The following ABCA13 variants were observed in gnomAD, a reference collection of about 807,000 sequenced individuals.
The protein encoded by ABCA13 is ATP-binding cassette sub-family A member 13.
In ABCA13, 476 loss-of-function variants were observed where a neutral mutation model predicts 478.7. The observed-to-expected ratio is 0.99, with a 90% CI of 0.92 to 1.07. ABCA13 has a LOEUF of 1.07. Ranked by LOEUF, ABCA13 falls within the 50% of genes least tolerant of loss-of-function variation. ABCA13 has a pLI of 0.00. For missense variants in ABCA13, 6,060 were observed against 5,910.6 expected, an observed-to-expected ratio of 1.03 and a Z score of -0.83; for synonymous variants, 2,252 against 2,158.9, an observed-to-expected ratio of 1.04 and a Z score of -1.20.
intron 45 of ABCA13, among the ~76,000 whole-genome samples, chr7:48,477,958 AT>A (rs1433253660): frequency 6.6e-6 from 1 of 151,660 alleles, no homozygotes; most frequent in Non-Finnish European, 1.5e-5. Flanking sequence ...AATAATTGGA[AT>A]TTTTTTTAGC....
At chr7:48,491,540 A>G (rs1253730624) in intron 48 of ABCA13, among the ~76,000 whole-genome samples, 1 of 152,198 alleles carries the variant, frequency 6.6e-6, no homozygotes, top group African/African-American at 2.4e-5. Context: ...TGTTTCAGAA[A>G]TGGAAAATTA....
intron 3 of ABCA13, among the ~76,000 whole-genome samples, chr7:48,218,120 G>A (rs550123686): frequency 1.3e-5 from 2 of 152,210 alleles, no homozygotes; most frequent in African/African-American, 4.8e-5. Context: ...ACAAATTGAG[G>A]TACTTTTGAG....
At chr7:48,532,611 A>T in intron 55 of ABCA13, among the ~76,000 whole-genome samples, 1 of 152,058 alleles carries the variant, frequency 6.6e-6, no homozygotes, top group Non-Finnish European at 1.5e-5. Context: ...GATAGAATTC[A>T]GCTGTAAATT....
chr7:48,455,314 G>T (rs747797388), intron 43 of ABCA13, 28 bp downstream of exon 43: 2 of 1,576,372 alleles, frequency 1.3e-6, no homozygotes, highest in Admixed American at 1.8e-5. Flanking sequence ...CTTTGATTTC[G>T]AAATTATGTC....
chr7:48,323,103 G>A (rs538915450), intron 27 of ABCA13, among the ~76,000 whole-genome samples: 61 of 152,274 alleles, frequency 4.0e-4, no homozygotes, highest in African/African-American at 1.4e-3. Flanking sequence ...ACTAAAGGGC[G>A]TGTGGGTTTT....
chr7:48,279,394 T>C lies in ABCA13; in HGVS notation c.8200T>C (p.Phe2734Leu), dbSNP rs747948068. ...LSQNSTEIGS[F>L]LKMVICLTLE... is the part of the protein sequence containing the mutation. ...ACAAAACAGCACAGAAATAGGATCT[T>C]TCTTGAAAATGGTGATCTGTCTCAC... Residue 2734 changes from phenylalanine (F) to leucine (L), a missense_variant, in exon 18 of 62, where the codon TTC becomes CTC. Physicochemically the swap from Phe to Leu is conservative, Grantham distance 22. Transcript: ENST00000435803. 2 of 1,598,878 alleles carry C rather than the reference T, an allele frequency of 1.3e-6. No individual in the cohort carries two copies. The highest frequency in any genetic ancestry group is 1.7e-6 in the Non-Finnish European group (2 of 1,171,288).
chr7:48,248,153 A>T, intron 13 of ABCA13, 86 bp from the exon 14 acceptor site: 1 of 1,105,448 alleles, frequency 9.0e-7, no homozygotes, highest in Non-Finnish European at 1.3e-6. Flanking sequence ...CCCCTTGTTT[A>T]GTGATACAGG....
chr7:48,312,875 G>C (rs1174176598), intron 24 of ABCA13, among the ~76,000 whole-genome samples, 192 bp from the exon 25 acceptor site: 1 of 152,196 alleles, frequency 6.6e-6, no homozygotes, highest in Admixed American at 6.5e-5. Flanking sequence ...GTGCAATTCA[G>C]TGTGCTCCAA....
chr7:48,468,252 A>G (rs1827104558), intron 44 of ABCA13, among the ~76,000 whole-genome samples: 1 of 152,222 alleles, frequency 6.6e-6, no homozygotes, highest in African/African-American at 2.4e-5. Flanking sequence ...AGTTCCTTTT[A>G]CATGGGTTGC....
rs577206712 is a variant in ABCA13, at chr7:48,321,471, G to A, written c.9999+4175G>A. On this transcript the variant is annotated intron_variant, in intron 27 of 61. Coordinates refer to ENST00000435803, the MANE Select transcript of ABCA13 (RefSeq NM_152701.5). Reference sequence around the variant, plus strand: ...GGATGATGGAGGAGCTGCAAGCTGAGGGCCTTGGCCCTACCCATGTGTCTT... The same window carrying A: ...GGATGATGGAGGAGCTGCAAGCTGAAGGCCTTGGCCCTACCCATGTGTCTT... Among the ~76,000 whole-genome samples, 10 of 152,288 alleles carry A rather than the reference G, an allele frequency of 6.6e-5. No homozygotes were observed. The South Asian group carries it at 2.1e-3, about 32-fold the overall frequency.
chr7:48,472,767 G>A (rs946046171), intron 45 of ABCA13, among the ~76,000 whole-genome samples: 1 of 152,118 alleles, frequency 6.6e-6, no homozygotes, highest in African/African-American at 2.4e-5. Flanking sequence ...CATAAGGCAC[G>A]AATCCCTGGC....
chr7:48,622,156 T>C (rs1793201559), intron 59 of ABCA13, among the ~76,000 whole-genome samples: 1 of 152,182 alleles, frequency 6.6e-6, no homozygotes. Flanking sequence ...CCTGCAGGAC[T>C]CTTGCTAAGC....
At position 48,248,351 on chromosome 7, in the gene ABCA13, C is replaced by A. The variant is rs1399037510; in HGVS notation, c.1772C>A (p.Ser591Tyr). 3 of 1,613,688 alleles carry A rather than the reference C, an allele frequency of 1.9e-6. No homozygotes were observed. Among genetic ancestry groups the A allele is most frequent in the East Asian group, 2.2e-5 (1 of 44,888 alleles). Residue 591 changes from serine (S) to tyrosine (Y), a missense_variant, in exon 14 of 62, where the codon TCC becomes TAC. Ser to Tyr is a moderately radical substitution (Grantham distance 144). Transcript: ENST00000435803. The stretch of plus-strand genomic sequence containing the variant: ...ATGCAGCTGTCAGAAGCAAGCCTTT[C>A]CTGTACTCGGCTCTTCCTGCTGCTG... ...LEMQLSEASL[S>Y]CTRLFLLLGA...
rs1002530072 is a variant in ABCA13 at position 48,278,259 on chromosome 7, T to C, written c.7065T>C (p.Thr2355=). The change falls in exon 18 of 62, where the codon ACT becomes ACC. Residue 2355 remains threonine (T), a synonymous_variant. Coordinates refer to ENST00000435803, the MANE Select transcript of ABCA13 (RefSeq NM_152701.5). ...ILDNGEFYFD[T]HQGLKFMQDL... is the part of the protein sequence containing the mutation. ...ACAATGGAGAATTTTATTTTGATAC[T>C]CATCAAGGACTGAAGTTCATGCAAG... 1.2e-6 allele frequency: 2 copies of C among 1,611,310 alleles called. No individual in the cohort carries two copies. The highest frequency in any genetic ancestry group is 1.7e-6 in the Non-Finnish European group (2 of 1,178,248).
At chr7:48,220,349 T>A (rs1787188416) in intron 4 of ABCA13, among the ~76,000 whole-genome samples, 1 of 152,234 alleles carries the variant, frequency 6.6e-6, no homozygotes, top group Non-Finnish European at 1.5e-5. Context: ...AAGTGTTACA[T>A]ACTTGGGTAA....
chr7:48,187,089 T>A (rs1241742558), intron 1 of ABCA13, among the ~76,000 whole-genome samples: 1 of 150,222 alleles, frequency 6.7e-6, no homozygotes, highest in Non-Finnish European at 1.5e-5. Flanking sequence ...ATCACAAATA[T>A]ATATACATAT....
At chr7:48,295,429 A>C (rs941253309) in intron 20 of ABCA13, among the ~76,000 whole-genome samples, 2 of 152,180 alleles carry the variant, frequency 1.3e-5, no homozygotes, top group Non-Finnish European at 2.9e-5. Context: ...GAGCTTCAGG[A>C]AGTTAAGAGC....
intron 41 of ABCA13, among the ~76,000 whole-genome samples, chr7:48,426,135 G>C (rs1821393170): frequency 6.6e-6 from 1 of 152,214 alleles, no homozygotes; most frequent in African/African-American, 2.4e-5. Context: ...ACTCAGAAAT[G>C]TTATTAATCA....
chr7:48,485,094 G>T (rs940879758), intron 47 of ABCA13, among the ~76,000 whole-genome samples: 1 of 152,122 alleles, frequency 6.6e-6, no homozygotes, highest in African/African-American at 2.4e-5. Context: ...CATCTTGAGT[G>T]TTTAGCTTGT....
Sources: allele counts gnomAD v4.1 joint callset (sites outside exome capture counted in the v4.1 genomes callset), GRCh38; gene constraint gnomAD v4.1.1; transcripts MANE v1.5; gene names NCBI Gene and HGNC (gene_info 2026-07-23, HGNC 2026-07-21).